GUCY1A1: variants seen among roughly 807,000 people sequenced by gnomAD.
GUCY1A1 encodes the protein guanylate cyclase soluble subunit alpha-1.
A neutral mutation model predicts 64.5 loss-of-function variants in GUCY1A1; 48 were observed. The ratio of observed to expected loss-of-function variants is 0.74; its 90% CI spans 0.59 to 0.95. The LOEUF is 0.95. GUCY1A1 is among the 40% of genes least tolerant of loss of function. The probability of loss-of-function intolerance (pLI) is 0.00; values close to 1 mark genes in which losing one functional copy is unlikely to be tolerated. For missense variants in GUCY1A1, 804 were observed against 825.3 expected (o/e 0.97, Z 0.32); for synonymous variants, 308 against 303.4 (o/e 1.02, Z -0.16).
At position 155,731,651 on chromosome 4, in the gene GUCY1A1, A is replaced by G. The variant is rs1019913054; in HGVS notation, c.*1420A>G. 3 of 151,880 alleles carry G rather than the reference A, an allele frequency of 2.0e-5. No individual in the cohort carries two copies. Among genetic ancestry groups the G allele is most frequent in the African/African-American group, 7.2e-5 (3 of 41,430 alleles). 9.4% of individuals were successfully genotyped at this position (151,880 alleles called of 1,614,324 possible). ...GATTTTAAAAACAGCTTGAATTTAA[A>G]GCAAGAAAAAGATGAACGTTATAGT... On this transcript the variant is annotated 3_prime_UTR_variant, in exon 10 of 10. Transcript: ENST00000506455.
Position 155,733,459 on chromosome 4 carries a change from C to T in GUCY1A1, c.*3228C>T, listed in dbSNP as rs761437483. Among the ~76,000 whole-genome samples the T allele has an allele frequency of 2.0e-5, 3 of 151,492 alleles. No homozygotes were observed. Among genetic ancestry groups the T allele is most frequent in the Admixed American group, 6.6e-5 (1 of 15,172 alleles). On this transcript the variant is annotated 3_prime_UTR_variant, in exon 10 of 10. Coordinates refer to ENST00000506455, the MANE Select transcript of GUCY1A1 (RefSeq NM_001130682.3). Reference sequence around the variant, plus strand: ...CAAAAGACCATCTGGGCAAAAATCACGAAGGGGTATGTGTGTCATGTAAAG... The same window carrying T: ...CAAAAGACCATCTGGGCAAAAATCATGAAGGGGTATGTGTGTCATGTAAAG...
In GUCY1A1 at chr4:155,669,392, G is replaced by A. The variant is rs1055065603; in HGVS notation, c.-113+1973G>A. ...TCTCATAGTGTATGAAATATAAATA[G>A]CCCCTTAAAGGTCTTGCTTCTAGAT... On this transcript the variant is annotated intron_variant, in intron 2 of 9. Transcript: ENST00000506455. Among the ~76,000 whole-genome samples the A allele has an allele frequency of 2.6e-5, 4 of 151,872 alleles. No individual in the cohort carries two copies. The South Asian group carries it at 6.2e-4, about 24-fold the overall frequency.
intron 2 of GUCY1A1, among the ~76,000 whole-genome samples, chr4:155,690,850 T>C (rs566313997): frequency 2.0e-5 from 3 of 152,222 alleles, no homozygotes; most frequent in Non-Finnish European, 4.4e-5. Context: ...GGGTGTTCTT[T>C]ACACATCACT....
Position 155,697,004 on chromosome 4 carries a change from T to C in GUCY1A1, c.137T>C (p.Ile46Thr). 1 of 1,613,816 alleles carries C rather than the reference T, an allele frequency of 6.2e-7. No individual in the cohort carries two copies. The change falls in exon 3 of 10, where the codon ATC becomes ACC. Residue 46 changes from isoleucine to threonine, a missense_variant. Transcript: ENST00000506455. ...GAGAGCTGCAAAGCAACCGTGCCCA[T>C]CTGTCAAGACATTCCTGAGAAGAAC... ...SSESCKATVP[I>T]CQDIPEKNIQ... is the part of the protein sequence containing the mutation.
chr4:155,691,782 T>A (rs951479736), intron 2 of GUCY1A1, among the ~76,000 whole-genome samples: 3 of 152,200 alleles, frequency 2.0e-5, no homozygotes, highest in Admixed American at 6.5e-5. Context: ...TCGATTTTTT[T>A]ATTATTTATT....
intron 2 of GUCY1A1, among the ~76,000 whole-genome samples, chr4:155,680,013 CT>C (rs749972331): frequency 2.6e-5 from 4 of 152,100 alleles, no homozygotes; most frequent in Non-Finnish European, 4.4e-5. Context: ...GCTATTTTTT[CT>C]TCTTTAATAT....
At chr4:155,711,340 C>T in intron 6 of GUCY1A1, 89 bp downstream of exon 6, 1 of 649,774 alleles carries the variant, frequency 1.5e-6, no homozygotes, top group Non-Finnish European at 2.7e-6. Context: ...TGCATCACTT[C>T]AAATGTTTGA....
In GUCY1A1 at chr4:155,708,304, T is replaced by C. The variant is rs909328597; in HGVS notation, c.376+10T>C. On this transcript the variant is annotated intron_variant, in intron 5 of 9. Coordinates refer to ENST00000506455, the MANE Select transcript of GUCY1A1 (RefSeq NM_001130682.3). ...CAAGCAGTTGCAGCAGGTAATAGAA[T>C]TGTTTATGTAATTAGAAAGTATGCC... The C allele has an allele frequency of 3.4e-6, 5 of 1,455,452 alleles. No individual in the cohort carries two copies. Among genetic ancestry groups the C allele is most frequent in the South Asian group, 2.3e-5 (2 of 87,196 alleles). The allele number at this position is 1,455,452 out of a possible 1,614,324, so 90.2% of individuals were successfully genotyped here.
intron 9 of GUCY1A1, among the ~76,000 whole-genome samples, chr4:155,729,372 T>A (rs1735224019): frequency 6.6e-6 from 1 of 151,764 alleles, no homozygotes. Context: ...TTTAGCATAA[T>A]GAACAAGTAG....
chr4:155,727,986 A>C (rs1734961566), intron 9 of GUCY1A1, among the ~76,000 whole-genome samples: 1 of 151,834 alleles, frequency 6.6e-6, no homozygotes, highest in Admixed American at 6.6e-5. Flanking sequence ...TCTGCTTTCC[A>C]GGAAGGAAAA....
At chr4:155,685,846 T>C (rs935844164) in intron 2 of GUCY1A1, among the ~76,000 whole-genome samples, 1 of 152,126 alleles carries the variant, frequency 6.6e-6, no homozygotes, top group African/African-American at 2.4e-5. Flanking sequence ...AGAATCTTCT[T>C]TCCAAATATG....
intron 8 of GUCY1A1, among the ~76,000 whole-genome samples, chr4:155,718,016 A>G (rs1244676724): frequency 6.6e-6 from 1 of 152,186 alleles, no homozygotes; most frequent in African/African-American, 2.4e-5. Flanking sequence ...ATATTTTCCA[A>G]GGCACGTGAC....
chr4:155,712,892 T>C (rs1259268413), intron 6 of GUCY1A1, among the ~76,000 whole-genome samples: 1 of 152,244 alleles, frequency 6.6e-6, no homozygotes, highest in East Asian at 1.9e-4. Context: ...TCTTGATTTC[T>C]GTGTAGAGTA....
intron 2 of GUCY1A1, among the ~76,000 whole-genome samples, chr4:155,684,892 A>G (rs1221559670): frequency 6.6e-6 from 1 of 152,182 alleles, no homozygotes; most frequent in East Asian, 1.9e-4. Flanking sequence ...CATTACCTTA[A>G]TTGACATGCC....
intron 4 of GUCY1A1, among the ~76,000 whole-genome samples, chr4:155,707,571 T>C (rs999624375): frequency 6.6e-6 from 1 of 151,276 alleles, no homozygotes; most frequent in Non-Finnish European, 1.5e-5. Context: ...CAGTTTCCAC[T>C]GAATACTTAC....
chr4:155,720,738 AT>A (rs1733864558), intron 8 of GUCY1A1, among the ~76,000 whole-genome samples: 1 of 152,286 alleles, frequency 6.6e-6, no homozygotes, highest in East Asian at 1.9e-4. Context: ...AATTCTTCTG[AT>A]TTCTAAATTA....
At chr4:155,714,126 T>C (rs1379026796) in intron 7 of GUCY1A1, among the ~76,000 whole-genome samples, 1 of 152,124 alleles carries the variant, frequency 6.6e-6, no homozygotes. Flanking sequence ...CTTAAGGCAT[T>C]TTTGCAGCTT....
In GUCY1A1 at chr4:155,734,950, T is replaced by C. The variant is rs1735916200; in HGVS notation, c.*4719T>C. On this transcript the variant is annotated 3_prime_UTR_variant, in exon 10 of 10. Coordinates refer to ENST00000506455, the MANE Select transcript of GUCY1A1 (RefSeq NM_001130682.3). ...AGCTTACAGTAACGGAGCCAATTAA[T>C]CCTTTGTCATCTTTGTTGAGTTTAG... The C allele has an allele frequency of 6.6e-6, 1 of 151,962 alleles. No individual in the cohort carries two copies. Among genetic ancestry groups the C allele is most frequent in the Non-Finnish European group, 1.5e-5 (1 of 67,930 alleles). 9.4% of individuals were successfully genotyped at this position (151,962 alleles called of 1,614,324 possible). A position where few individuals can be genotyped will look rare whatever the true frequency, so the allele number is the denominator to read the frequency against.
At chr4:155,714,861 A>T (rs891285844) in intron 7 of GUCY1A1, among the ~76,000 whole-genome samples, 2 of 152,212 alleles carry the variant, frequency 1.3e-5, no homozygotes, top group African/African-American at 4.8e-5. Context: ...GTTAAGTTTG[A>T]TGGCCTCTTG....
Sources: allele counts gnomAD v4.1 joint callset (sites outside exome capture counted in the v4.1 genomes callset), GRCh38; gene constraint gnomAD v4.1.1; transcripts MANE v1.5; gene names NCBI Gene and HGNC (gene_info 2026-07-23, HGNC 2026-07-21).